HPS5: variants seen among roughly 807,000 people sequenced by gnomAD.
HPS5 encodes the protein HPS5 biogenesis of lysosomal organelles complex 2 subunit 2, also known as BLOC-2 complex member HPS5.
Under a neutral mutation model 128.0 loss-of-function variants are expected in HPS5, and 83 were observed. The observed-to-expected ratio is 0.65, with a 90% CI of 0.54 to 0.78. The LOEUF (loss-of-function observed/expected upper bound fraction) is 0.78, where lower values mean the gene tolerates loss of function less well. Ranked by LOEUF, HPS5 falls within the 30% of genes least tolerant of loss-of-function variation. The pLI is 0.00. For synonymous variants in HPS5, 475 were observed against 470.2 expected (o/e 1.01, Z -0.13); for missense variants, 1,281 against 1,326.2 (o/e 0.97, Z 0.53).
At chr11:18,305,352 G>T in intron 8 of HPS5, 70 bp downstream of exon 8, 1 of 1,065,346 alleles carries the variant, frequency 9.4e-7, no homozygotes, top group Non-Finnish European at 1.5e-6. Flanking sequence ...AACTACTTCT[G>T]AACAAGAAAC....
At chr11:18,321,445 G>T (rs1018596091) in intron 1 of HPS5, among the ~76,000 whole-genome samples, 1 of 152,192 alleles carries the variant, frequency 6.6e-6, no homozygotes. Context: ...TAAGAACATA[G>T]AAGTTGGCGA....
intron 4 of HPS5, among the ~76,000 whole-genome samples, 197 bp downstream of exon 4, chr11:18,311,190 T>C (rs1405739877): frequency 6.6e-6 from 1 of 152,204 alleles, no homozygotes; most frequent in Admixed American, 6.5e-5. Flanking sequence ...TAAATTAGCA[T>C]TTTCTACAAA....
At chr11:18,317,126 G>A (rs953404586) in intron 2 of HPS5, among the ~76,000 whole-genome samples, 2 of 151,576 alleles carry the variant, frequency 1.3e-5, no homozygotes, top group Non-Finnish European at 2.9e-5. Flanking sequence ...CCCGGGAGGC[G>A]GAGCATGCAG....
chr11:18,300,195 G>GT, intron 9 of HPS5, among the ~76,000 whole-genome samples: 1 of 151,952 alleles, frequency 6.6e-6, no homozygotes, highest in Admixed American at 6.5e-5. Context: ...TCTGATCAGG[G>GT]TACACTATAC....
At chr11:18,313,263 T>C (rs1327369251) in intron 2 of HPS5, among the ~76,000 whole-genome samples, 1 of 152,094 alleles carries the variant, frequency 6.6e-6, no homozygotes, top group African/African-American at 2.4e-5. Flanking sequence ...CTATGTGAAG[T>C]ATGCAGGCCC....
At chr11:18,309,402 T>G (rs1862719163) in intron 5 of HPS5, among the ~76,000 whole-genome samples, 1 of 152,178 alleles carries the variant, frequency 6.6e-6, no homozygotes, top group African/African-American at 2.4e-5. Context: ...CCCAGCTACT[T>G]GGGAGGCTGA....
At chr11:18,286,795 T>A (rs764769183) in intron 18 of HPS5, 85 bp from the exon 19 acceptor site, 5 of 1,532,402 alleles carry the variant, frequency 3.3e-6, no homozygotes, top group Non-Finnish European at 4.5e-6. Context: ...GAAAACCTGA[T>A]TAAGAGATGA....
At chr11:18,302,692 T>TCAATATGAAAGACCAGA (rs1861836211) in intron 8 of HPS5, among the ~76,000 whole-genome samples, 1 of 151,942 alleles carries the variant, frequency 6.6e-6, no homozygotes, top group African/African-American at 2.4e-5. Context: ...AAACATTTTG[T>TCAATATGAAAGACCAGA]CAATATGAAA....
chr11:18,321,517 G>A (rs536129622), intron 1 of HPS5, among the ~76,000 whole-genome samples: 114 of 152,352 alleles, frequency 7.5e-4, no homozygotes, highest in Middle Eastern at 3.4e-3. Flanking sequence ...AAGGATCACA[G>A]AGTTCATAAA....
intron 20 of HPS5, 122 bp from the exon 21 acceptor site, chr11:18,284,023 A>G (rs893679054): frequency 7.2e-6 from 5 of 692,982 alleles, no homozygotes; most frequent in Admixed American, 5.0e-5. Flanking sequence ...TTAAAAGTAA[A>G]TAACATCTGA....
At position 18,322,132 on chromosome 11, in the gene HPS5, C is replaced by A. The variant is rs931967808; in HGVS notation, c.-236G>T. On this transcript the variant is annotated 5_prime_UTR_variant, in exon 1 of 23. Transcript: ENST00000349215. ...TCCCGGCTTAGCGCCGGGGAACTCA[C>A]CGCGCACTAAGAGCGGAACGTGAAC... 6.6e-6 allele frequency: 1 copy of A among 152,384 alleles called. No individual in the cohort carries two copies. Among genetic ancestry groups the A allele is most frequent in the African/African-American group, 2.4e-5 (1 of 41,468 alleles). 9.4% of individuals were successfully genotyped at this position (152,384 alleles called of 1,614,324 possible).
intron 2 of HPS5, among the ~76,000 whole-genome samples, chr11:18,315,350 T>C (rs1483123918): frequency 6.6e-6 from 1 of 152,188 alleles, no homozygotes; most frequent in Admixed American, 6.5e-5. Flanking sequence ...GCTCAATGGC[T>C]CATGCCTGTA....
In HPS5 at chr11:18,297,704, A is replaced by G. The variant is rs1861237540; in HGVS notation, c.1178T>C (p.Leu393Ser). Residue 393 changes from leucine (L) to serine (S), a missense_variant, in exon 11 of 23, where the codon TTG (leucine) becomes TCG (serine). Leu to Ser is a moderately radical substitution (Grantham distance 145). Transcript: ENST00000349215. ...SVIASRARKTLTADKLEHLKS... is the reference protein window; with the variant it reads ...SVIASRARKTSTADKLEHLKS... ...CAAATGCTCCAATTTATCTGCAGTC[A>G]AAGTTTTTCTTGCCTAATAAAACAA... The G allele has an allele frequency of 1.9e-6, 3 of 1,614,090 alleles. No homozygotes were observed. Among genetic ancestry groups the G allele is most frequent in the African/African-American group, 1.3e-5 (1 of 75,068 alleles).
At chr11:18,287,717 T>A in intron 17 of HPS5, 27 bp from the exon 18 acceptor site, 1 of 1,613,060 alleles carries the variant, frequency 6.2e-7, no homozygotes, top group South Asian at 1.1e-5. Context: ...AACACTTTAG[T>A]CTCTAATTTC....
At chr11:18,317,302 C>T (rs1863752363) in intron 2 of HPS5, among the ~76,000 whole-genome samples, 1 of 147,286 alleles carries the variant, frequency 6.8e-6, no homozygotes, top group East Asian at 2.0e-4. Context: ...GTTGCCCAGG[C>T]TACAGTGCAG....
At chr11:18,311,550 G>T (rs1179919483) in intron 3 of HPS5, 99 bp from the exon 4 acceptor site, 11 of 623,724 alleles carry the variant, frequency 1.8e-5, no homozygotes, top group East Asian at 3.8e-5. Context: ...TCGCTCTGTT[G>T]CCCAGGCTGG....
chr11:18,298,761 G>T, intron 10 of HPS5, 31 bp downstream of exon 10: 1 of 1,605,758 alleles, frequency 6.2e-7, no homozygotes, highest in South Asian at 1.1e-5. Context: ...ACCAATCCAT[G>T]GTAAAGATGT....
At chr11:18,289,606 C>T (rs1860153226) in intron 16 of HPS5, among the ~76,000 whole-genome samples, 1 of 151,952 alleles carries the variant, frequency 6.6e-6, no homozygotes, top group Non-Finnish European at 1.5e-5. Flanking sequence ...ATGCTTTTAA[C>T]TGCTATATTT....
chr11:18,296,861 C>A lies in HPS5; in HGVS notation c.1447G>T (p.Glu483Ter). 6.2e-7 allele frequency: 1 copy of A among 1,614,062 alleles called. No individual in the cohort carries two copies. The highest frequency in any genetic ancestry group is 8.5e-7 in the Non-Finnish European group (1 of 1,179,976). Reference protein sequence around the residue: ...QTLSEDERFKEFTSQQEEDLP... With the variant: ...QTLSEDERFK ...TCCTCTTCCTGCTGTGAGGTGAATT[C>A]TTTAAATCTCTCATCTTCTGAGAGG... The change falls in exon 12 of 23, where the codon GAA becomes TAA. Residue 483 changes from glutamate to a stop codon, truncating the protein, a stop_gained. Transcript: ENST00000349215. LOFTEE classifies it high-confidence loss of function.
Sources: gnomAD v4.1 joint callset for allele counts (sites outside exome capture counted in the v4.1 genomes callset) on GRCh38, gnomAD v4.1.1 for gene constraint, MANE v1.5 for transcripts, NCBI Gene and HGNC (gene_info 2026-07-23, HGNC 2026-07-21) for gene names.